The following PGAP1 variants were observed in gnomAD, a reference collection of about 807,000 sequenced individuals.
The protein encoded by PGAP1 is post-GPI attachment to proteins inositol deacylase 1.
A neutral mutation model predicts 127.0 loss-of-function variants in PGAP1; 76 were observed. The observed-to-expected ratio is 0.60, with a 90% confidence interval of 0.50 to 0.72. The LOEUF is 0.72. Ranked by LOEUF, PGAP1 falls within the 30% of genes least tolerant of loss-of-function variation. The pLI is 0.00. For missense variants in PGAP1, 982 were observed against 1,071.3 expected, an observed-to-expected ratio of 0.92 and a Z score of 1.16; for synonymous variants, 362 against 366.5, an observed-to-expected ratio of 0.99 and a Z score of 0.14.
At position 196,855,722 on chromosome 2, in the gene PGAP1, C is replaced by A. The variant is rs183573233; in HGVS notation, c.1862-7685G>T. Among the ~76,000 whole-genome samples the A allele has an allele frequency of 1.1e-4, 17 of 152,212 alleles. No homozygotes were observed. The East Asian group carries it at 3.3e-3, about 29-fold the overall frequency. ...GCTTTTTCTCTCTACTTGGCTCCTA[C>A]AAAATTTGGAAACTACCTGAGTATT... On this transcript the variant is annotated intron_variant, in intron 20 of 26. Coordinates refer to ENST00000354764, the MANE Select transcript of PGAP1 (RefSeq NM_024989.4).
intron 20 of PGAP1, among the ~76,000 whole-genome samples, chr2:196,861,473 C>A (rs1473698750): frequency 6.6e-6 from 1 of 152,128 alleles, no homozygotes; most frequent in Non-Finnish European, 1.5e-5. Flanking sequence ...AACTCAACAG[C>A]AAAACAAACA....
intron 12 of PGAP1, among the ~76,000 whole-genome samples, chr2:196,885,221 A>G (rs1701859488): frequency 6.6e-6 from 1 of 152,116 alleles, no homozygotes; most frequent in African/African-American, 2.4e-5. Context: ...TTATCTCTGA[A>G]AGTAAAAAAA....
intron 17 of PGAP1, 191 bp from the exon 18 acceptor site, chr2:196,872,740 G>A (rs944421692): frequency 2.9e-5 from 17 of 578,942 alleles, no homozygotes; most frequent in Admixed American, 6.6e-5. Context: ...CAGGAGTTGC[G>A]AGAGGGTGGA....
intron 9 of PGAP1, among the ~76,000 whole-genome samples, 153 bp from the exon 10 acceptor site, chr2:196,891,064 A>G (rs1702084698): frequency 6.6e-6 from 1 of 152,202 alleles, no homozygotes; most frequent in Non-Finnish European, 1.5e-5. Context: ...GAAGGAAGAT[A>G]CAGAAGGGCA....
chr2:196,876,972 A>G (rs920043235), intron 13 of PGAP1, among the ~76,000 whole-genome samples: 1 of 152,062 alleles, frequency 6.6e-6, no homozygotes, highest in Non-Finnish European at 1.5e-5. Context: ...ATTGAACAGG[A>G]TTACTCATTA....
At position 196,847,096 on chromosome 2, in the gene PGAP1, A is replaced by C. The variant is rs1700577783; in HGVS notation, c.2057T>G (p.Leu686Arg). 4 of 1,613,546 alleles carry C rather than the reference A, an allele frequency of 2.5e-6. No homozygotes were observed. Among genetic ancestry groups the C allele is most frequent in the Non-Finnish European group, 2.5e-6 (3 of 1,179,700 alleles). Reference protein sequence around the residue: ...SMCFPLISLILFLFGTCTAYW... With the variant: ...SMCFPLISLIRFLFGTCTAYW... ...GGCAGTACACGTTCCAAACAGAAAG[A>C]GAATCAAGGATATCAGGGGGAAACA... Residue 686 changes from leucine to arginine, a missense_variant, in exon 22 of 27, where the codon CTC (leucine) becomes CGC (arginine). Leu to Arg is a moderately radical substitution (Grantham distance 102, BLOSUM62 -2). Coordinates refer to ENST00000354764, the MANE Select transcript of PGAP1 (RefSeq NM_024989.4).
In PGAP1 at chr2:196,841,076, C is replaced by T; in HGVS notation, c.*158G>A. 1 of 853,984 alleles carries T rather than the reference C, an allele frequency of 1.2e-6. No individual in the cohort carries two copies. The highest frequency in any genetic ancestry group is 2.6e-5 in the East Asian group (1 of 38,816). The allele number at this position is 853,984 out of a possible 1,614,324, so 52.9% of individuals were successfully genotyped here. A position where few individuals can be genotyped will look rare whatever the true frequency, so the allele number is the denominator to read the frequency against. On this transcript the variant is annotated 3_prime_UTR_variant, in exon 27 of 27. Coordinates refer to ENST00000354764, the MANE Select transcript of PGAP1 (RefSeq NM_024989.4). Reference sequence around the variant, plus strand: ...AACAAAACCATGCTTCAACTACTTCCCTCAAACATTACAAAACTAATTTCC... The same window carrying T: ...AACAAAACCATGCTTCAACTACTTCTCTCAAACATTACAAAACTAATTTCC...
intron 13 of PGAP1, among the ~76,000 whole-genome samples, chr2:196,879,329 C>G (rs906292361): frequency 1.3e-5 from 2 of 152,212 alleles, no homozygotes; most frequent in South Asian, 2.1e-4. Context: ...TTGGGTAGTT[C>G]TTTTTCCACT....
chr2:196,898,381 G>C lies in PGAP1; in HGVS notation c.808-12C>G. The C allele has an allele frequency of 6.3e-7, 1 of 1,593,282 alleles. No homozygotes were observed. The highest frequency in any genetic ancestry group is 8.6e-7 in the Non-Finnish European group (1 of 1,166,634). On this transcript the variant is annotated splice_polypyrimidine_tract_variant and intron_variant, in intron 5 of 26. Transcript: ENST00000354764. ...GGCACTGCTGAACTCTAAAAGAAAAGAAAAAAATAAACTTACGAAAAGCAC... is the reference window on the plus strand; with the variant it reads ...GGCACTGCTGAACTCTAAAAGAAAACAAAAAAATAAACTTACGAAAAGCAC...
intron 2 of PGAP1, among the ~76,000 whole-genome samples, chr2:196,918,657 G>A (rs1370002197): frequency 6.6e-6 from 1 of 152,022 alleles, no homozygotes; most frequent in African/African-American, 2.4e-5. Flanking sequence ...AAACTACAAA[G>A]AAAGTTAAGG....
chr2:196,847,610 G>C (rs748484542), intron 21 of PGAP1: 18 of 197,284 alleles, frequency 9.1e-5, no homozygotes, highest in Non-Finnish European at 1.7e-4. Flanking sequence ...TTTTAAAAGT[G>C]ATCAGAGAGG....
chr2:196,855,638 T>C (rs928027111), intron 20 of PGAP1, among the ~76,000 whole-genome samples: 2 of 152,310 alleles, frequency 1.3e-5, no homozygotes, highest in Admixed American at 1.3e-4. Flanking sequence ...AAGGAAAATT[T>C]ATCTCTTAAG....
Position 196,840,159 on chromosome 2 carries a change from C to T in PGAP1, c.*1075G>A, listed in dbSNP as rs551111184. ...GGCAAATCAAGATTCCACTGTTAAACCTAGTGGCTAATGTCTCCAATTTAT... is the reference window on the plus strand; with the variant it reads ...GGCAAATCAAGATTCCACTGTTAAATCTAGTGGCTAATGTCTCCAATTTAT... On this transcript the variant is annotated 3_prime_UTR_variant, in exon 27 of 27. Transcript: ENST00000354764. The T allele has an allele frequency of 2.0e-5, 3 of 152,280 alleles. No homozygotes were observed. The East Asian group carries it at 5.8e-4, about 29-fold the overall frequency. 9.4% of individuals were successfully genotyped at this position (152,280 alleles called of 1,614,324 possible). A position where few individuals can be genotyped will look rare whatever the true frequency, so the allele number is the denominator to read the frequency against.
At chr2:196,847,537 A>G (rs893210035) in intron 21 of PGAP1, 2 of 192,178 alleles carry the variant, frequency 1.0e-5, no homozygotes, top group African/African-American at 4.7e-5. Context: ...TTAACCAAAA[A>G]TCTGAAAATG....
intron 25 of PGAP1, among the ~76,000 whole-genome samples, 200 bp from the exon 26 acceptor site, chr2:196,843,025 T>C (rs1343585299): frequency 2.0e-5 from 3 of 152,124 alleles, no homozygotes; most frequent in Non-Finnish European, 4.4e-5. Context: ...AAGAGAATTA[T>C]GATCAGAAAC....
chr2:196,923,921 G>A (rs1014491403), intron 1 of PGAP1, among the ~76,000 whole-genome samples: 1 of 152,140 alleles, frequency 6.6e-6, no homozygotes, highest in African/African-American at 2.4e-5. Context: ...TCTGCAATTT[G>A]CCTAAAACCA....
At position 196,844,064 on chromosome 2, in the gene PGAP1, GTGTT is replaced by G. The variant is rs763162627; in HGVS notation, c.2345_2348del (p.Lys782ThrfsTer37). 3 of 1,576,106 alleles carry G rather than the reference GTGTT, an allele frequency of 1.9e-6. No individual in the cohort carries two copies. Among genetic ancestry groups the G allele is most frequent in the South Asian group, 1.2e-5 (1 of 85,668 alleles). ...TGGATTTCTTTTCACTTCTTCTAGA[GTGTT>G]TGGGATTCTATAAAACAATAAAGTA... On this transcript the variant is annotated frameshift_variant, in exon 25 of 27. Coordinates refer to ENST00000354764, the MANE Select transcript of PGAP1 (RefSeq NM_024989.4). LOFTEE classifies it high-confidence loss of function.
chr2:196,924,918 A>G (rs16859494), intron 1 of PGAP1, among the ~76,000 whole-genome samples: 19,061 of 152,222 alleles, frequency 0.13, 1,681 homozygotes, highest in African/African-American at 0.25. Context: ...CTGTACTGTC[A>G]CAAAATGATT....
In PGAP1 at chr2:196,841,360, C is replaced by A. The variant is rs776985592; in HGVS notation, c.2643G>T (p.Lys881Asn). Reference protein sequence around the residue: ...TVSIKSSKLLKTTSQFPLPLA... With the variant: ...TVSIKSSKLLNTTSQFPLPLA... ...GAGGAAGTGGAAATTGTGAAGTAGT[C>A]TTCAACAATTTACTGTAAAGAGACA... The change falls in exon 27 of 27, where the codon AAG (lysine) becomes AAT (asparagine). Residue 881 changes from lysine to asparagine, a missense_variant. Transcript: ENST00000354764. 1.2e-6 allele frequency: 2 copies of A among 1,612,924 alleles called. No individual in the cohort carries two copies. Among genetic ancestry groups the A allele is most frequent in the East Asian group, 4.5e-5 (2 of 44,828 alleles).
Sources: allele counts gnomAD v4.1 joint callset (sites outside exome capture counted in the v4.1 genomes callset), GRCh38; gene constraint gnomAD v4.1.1; transcripts MANE v1.5; gene names NCBI Gene and HGNC (gene_info 2026-07-23, HGNC 2026-07-21).